Variants in CREB5 observed in about 807,000 individuals in gnomAD.
CREB5 encodes cAMP responsive element binding protein 5, also known as cyclic AMP-responsive element-binding protein 5.
CREB5 carries 19 observed loss-of-function variants against 57.1 expected under a neutral mutation model. The ratio of observed to expected loss-of-function variants is 0.33; its 90% CI spans 0.23 to 0.49. The LOEUF (loss-of-function observed/expected upper bound fraction) is 0.49. CREB5 is among the 20% of genes least tolerant of loss of function. The pLI, the probability that CREB5 is intolerant of heterozygous loss-of-function variation, is 0.99. For missense variants in CREB5, 579 were observed against 671.6 expected (o/e 0.86, Z 1.52); for synonymous variants, 238 against 238.3 (o/e 1.00, Z 0.01).
chr7:28,359,192 A>G (rs1786408434), intron 1 of CREB5, among the ~76,000 whole-genome samples: 1 of 150,090 alleles, frequency 6.7e-6, no homozygotes, highest in Non-Finnish European at 1.5e-5. Flanking sequence ...ACAAACAAAA[A>G]CCCAAAAAAG....
At chr7:28,644,878 G>A (rs1440511649) in intron 5 of CREB5, among the ~76,000 whole-genome samples, 4 of 152,156 alleles carry the variant, frequency 2.6e-5, no homozygotes, top group African/African-American at 7.2e-5. Context: ...TCTTCCTTGA[G>A]AATGAGGATG....
At chr7:28,355,847 G>A (rs1473872360) in intron 1 of CREB5, among the ~76,000 whole-genome samples, 2 of 152,214 alleles carry the variant, frequency 1.3e-5, no homozygotes, top group East Asian at 1.9e-4. Flanking sequence ...CTGTCACAGA[G>A]CGTAACACCT....
intron 1 of CREB5, among the ~76,000 whole-genome samples, chr7:28,393,081 C>T (rs747912088): frequency 1.2e-4 from 19 of 152,142 alleles, no homozygotes; most frequent in Admixed American, 2.6e-4. Context: ...TGTGCCACCA[C>T]GCCTGGCTAA....
At chr7:28,796,526 C>T (rs1325472436) in intron 7 of CREB5, among the ~76,000 whole-genome samples, 3 of 152,178 alleles carry the variant, frequency 2.0e-5, no homozygotes, top group African/African-American at 7.2e-5. Flanking sequence ...CACAGATTCT[C>T]ATCTCATTAT....
chr7:28,356,447 A>C (rs1264451043), intron 1 of CREB5, among the ~76,000 whole-genome samples: 2 of 152,196 alleles, frequency 1.3e-5, no homozygotes, highest in South Asian at 2.1e-4. Context: ...CTCTGAATGC[A>C]CTTAACTAGA....
intron 5 of CREB5, among the ~76,000 whole-genome samples, chr7:28,648,814 A>G (rs1191018264): frequency 1.3e-5 from 2 of 152,202 alleles, no homozygotes; most frequent in African/African-American, 2.4e-5. Flanking sequence ...GAGAATTTCC[A>G]TAATATACTT....
intron 7 of CREB5, among the ~76,000 whole-genome samples, chr7:28,728,883 T>G (rs569738383): frequency 2.6e-5 from 4 of 152,296 alleles, no homozygotes; most frequent in African/African-American, 9.6e-5. Flanking sequence ...TTGATTTCTT[T>G]GAAAAATACC....
chr7:28,672,180 A>ACACACACACACAC (rs1554283278), intron 5 of CREB5, among the ~76,000 whole-genome samples: 20 of 84,442 alleles, frequency 2.4e-4, no homozygotes, highest in South Asian at 2.2e-3. Flanking sequence ...TTATGGAAAA[A>ACACACACACACAC]AAAAAAAAAC....
chr7:28,508,646 A>G (rs143267176), intron 4 of CREB5, among the ~76,000 whole-genome samples: 1 of 152,188 alleles, frequency 6.6e-6, no homozygotes, highest in East Asian at 1.9e-4. Flanking sequence ...CCTCCACCAG[A>G]TTTTTCCTGT....
At chr7:28,502,126 A>C (rs1423829340) in intron 3 of CREB5, among the ~76,000 whole-genome samples, 1 of 152,236 alleles carries the variant, frequency 6.6e-6, no homozygotes, top group African/African-American at 2.4e-5. Flanking sequence ...AGATGCAGGG[A>C]AACAGTAACA....
chr7:28,674,206 A>G (rs1207690990), intron 5 of CREB5, among the ~76,000 whole-genome samples: 1 of 152,110 alleles, frequency 6.6e-6, no homozygotes, highest in African/African-American at 2.4e-5. Context: ...TTTCAACCAT[A>G]GGGGAAAGGG....
At position 28,819,447 on chromosome 7, in the gene CREB5, T is replaced by C. The variant is rs1809638343; in HGVS notation, c.*168T>C. ...AAATGTTGTCTTTTATACTTAGTTA[T>C]ATAAGAAAAAAGGGAGTTATGCAAT... On this transcript the variant is annotated 3_prime_UTR_variant, in exon 11 of 11. Coordinates refer to ENST00000357727, the MANE Select transcript of CREB5 (RefSeq NM_182898.4). 2 of 667,398 alleles carry C rather than the reference T, an allele frequency of 3.0e-6. No individual in the cohort carries two copies. Among genetic ancestry groups the C allele is most frequent in the Admixed American group, 3.6e-5 (1 of 27,918 alleles). The allele number at this position is 667,398 out of a possible 1,614,324, so 41.3% of individuals were successfully genotyped here.
chr7:28,359,035 A>G (rs573006770), intron 1 of CREB5, among the ~76,000 whole-genome samples: 2 of 152,290 alleles, frequency 1.3e-5, no homozygotes, highest in South Asian at 2.1e-4. Flanking sequence ...CTAATCATTC[A>G]GGAGAATTTG....
intron 1 of CREB5, among the ~76,000 whole-genome samples, chr7:28,438,960 CTG>C (rs1244280639): frequency 6.6e-6 from 1 of 152,184 alleles, no homozygotes; most frequent in Non-Finnish European, 1.5e-5. Flanking sequence ...AGGGTAAAGA[CTG>C]GGAATAGCTG....
chr7:28,698,220 T>G (rs1391973709), intron 5 of CREB5, among the ~76,000 whole-genome samples: 2 of 151,990 alleles, frequency 1.3e-5, no homozygotes, highest in African/African-American at 4.8e-5. Context: ...CCATTGAGTT[T>G]CCCTATCCCC....
At chr7:28,678,531 G>A (rs1436827978) in intron 5 of CREB5, among the ~76,000 whole-genome samples, 2 of 152,094 alleles carry the variant, frequency 1.3e-5, no homozygotes, top group Non-Finnish European at 2.9e-5. Context: ...TTAAAGTTTA[G>A]AGATGAATTT....
chr7:28,637,509 A>G (rs1431525147), intron 5 of CREB5, among the ~76,000 whole-genome samples: 1 of 152,204 alleles, frequency 6.6e-6, no homozygotes. Flanking sequence ...AGATGCTAAA[A>G]TGGAGTTTGA....
intron 5 of CREB5, chr7:28,615,123 T>C (rs1311208772): frequency 3.3e-5 from 5 of 152,264 alleles, no homozygotes; most frequent in African/African-American, 1.2e-4. Context: ...AGCCAGGTCC[T>C]CTGCACTAAG....
chr7:28,374,543 A>G (rs1208906437), intron 1 of CREB5, among the ~76,000 whole-genome samples: 1 of 152,230 alleles, frequency 6.6e-6, no homozygotes, highest in Non-Finnish European at 1.5e-5. Context: ...ACATGAAACA[A>G]TGTGGATGAA....
Sources: gnomAD v4.1 joint callset for allele counts (sites outside exome capture counted in the v4.1 genomes callset) on GRCh38, gnomAD v4.1.1 for gene constraint, MANE v1.5 for transcripts, NCBI Gene and HGNC (gene_info 2026-07-23, HGNC 2026-07-21) for gene names.